The following STK32B variants were observed in gnomAD, a reference collection of about 807,000 sequenced individuals.
The protein encoded by STK32B is serine/threonine kinase 32B, also known as serine/threonine-protein kinase 32B.
In STK32B, 43 loss-of-function variants were observed where a neutral mutation model predicts 52.6. That is an observed-to-expected ratio of 0.82 (90% confidence interval 0.64 to 1.05). The LOEUF (loss-of-function observed/expected upper bound fraction) is 1.05, where lower values mean the gene tolerates loss of function less well. Among genes scored for constraint, STK32B ranks in the 50% least tolerant of loss-of-function variants. The pLI is 0.00. For synonymous variants in STK32B, 238 were observed against 204.3 expected (o/e 1.17, Z -1.41); for missense variants, 621 against 534.6 (o/e 1.16, Z -1.59).
intron 11 of STK32B, among the ~76,000 whole-genome samples, chr4:5,482,921 A>C (rs919145657): frequency 3.3e-5 from 5 of 152,240 alleles, no homozygotes; most frequent in Admixed American, 2.0e-4. Context: ...CCAGCCTTGC[A>C]TCCCAGGGAT....
At chr4:5,111,111 A>G (rs946799351) in intron 1 of STK32B, among the ~76,000 whole-genome samples, 1 of 152,186 alleles carries the variant, frequency 6.6e-6, no homozygotes, top group Non-Finnish European at 1.5e-5. Flanking sequence ...AGTCAAAAAC[A>G]ACAGATGTTG....
chr4:5,125,217 CT>C (rs35888336), intron 1 of STK32B, among the ~76,000 whole-genome samples: 63,915 of 151,956 alleles, frequency 0.42, 14,936 homozygotes, highest in South Asian at 0.55. Flanking sequence ...TGATGTTGGT[CT>C]TCTGATACCT....
At chr4:5,139,817 G>A in intron 1 of STK32B, 88 bp from the exon 2 acceptor site, 1 of 1,481,510 alleles carries the variant, frequency 6.7e-7, no homozygotes, top group Non-Finnish European at 9.4e-7. Context: ...CTTTGGAATA[G>A]GTGGGTAGGT....
chr4:5,400,227 G>C lies in STK32B; in HGVS notation c.472+1983G>C, dbSNP rs1308141454. Among the ~76,000 whole-genome samples, 1 of 152,172 alleles carries C rather than the reference G, an allele frequency of 6.6e-6. No individual in the cohort carries two copies. The highest frequency in any genetic ancestry group is 1.5e-5 in the Non-Finnish European group (1 of 68,022). On this transcript the variant is annotated intron_variant, in intron 5 of 11. Transcript: ENST00000282908. The surrounding 1 kb of genome is among the most constrained non-coding windows in gnomAD (Gnocchi z 6.1). ...AGCTGCTGCACAAAAGATATAGGCA[G>C]GCGGGCTGCTCCCAGGCAGCCTCCC...
intron 4 of STK32B, among the ~76,000 whole-genome samples, chr4:5,343,706 C>G (rs922316141): frequency 6.6e-6 from 1 of 152,142 alleles, no homozygotes; most frequent in African/African-American, 2.4e-5. Context: ...AATGGCAACA[C>G]AAGCCAAAAT....
chr4:5,092,548 A>G (rs1394854816), intron 1 of STK32B, among the ~76,000 whole-genome samples: 6 of 152,136 alleles, frequency 3.9e-5, no homozygotes, highest in Non-Finnish European at 5.9e-5. Context: ...AAAAAAAAAA[A>G]AAGAAGAAGA....
intron 4 of STK32B, among the ~76,000 whole-genome samples, chr4:5,357,138 G>T (rs1577389818): frequency 1.3e-5 from 2 of 151,820 alleles, no homozygotes; most frequent in African/African-American, 2.4e-5. Flanking sequence ...TTGAGTGAAG[G>T]CTTGAGGCCC....
intron 1 of STK32B, among the ~76,000 whole-genome samples, chr4:5,102,114 C>G (rs1713819427): frequency 6.6e-6 from 1 of 152,210 alleles, no homozygotes; most frequent in African/African-American, 2.4e-5. Flanking sequence ...TGATCCCTGT[C>G]CTTTCCTGGT....
the STK32B span, among the ~76,000 whole-genome samples, chr4:5,033,602 A>T: frequency 6.6e-6 from 1 of 152,150 alleles, no homozygotes; most frequent in Non-Finnish European, 1.5e-5. Flanking sequence ...TTTCTCCTTC[A>T]CGAGGAGGCC....
intron 3 of STK32B, among the ~76,000 whole-genome samples, chr4:5,194,238 C>T (rs1721465822): frequency 6.6e-6 from 1 of 152,184 alleles, no homozygotes; most frequent in African/African-American, 2.4e-5. Context: ...ATATTGTTCT[C>T]TGCTGTGTTC....
chr4:5,283,709 AC>A (rs1728359186), intron 3 of STK32B, among the ~76,000 whole-genome samples: 1 of 152,212 alleles, frequency 6.6e-6, no homozygotes, highest in Admixed American at 6.5e-5. Flanking sequence ...TGAAGGAAAC[AC>A]AATTGTAAAT....
chr4:5,089,833 G>T (rs75660159), intron 1 of STK32B, among the ~76,000 whole-genome samples: 1 of 152,100 alleles, frequency 6.6e-6, no homozygotes, highest in East Asian at 1.9e-4. Flanking sequence ...GTGTAAAAGC[G>T]TTCGTATTTC....
chr4:5,071,199 T>A (rs1458763695), intron 1 of STK32B, among the ~76,000 whole-genome samples: 3 of 152,110 alleles, frequency 2.0e-5, no homozygotes, highest in Non-Finnish European at 4.4e-5. Flanking sequence ...AGGTGCAGAC[T>A]GAAGGATGGT....
At chr4:5,219,085 C>G (rs16836905) in intron 3 of STK32B, among the ~76,000 whole-genome samples, 14,364 of 152,334 alleles carry the variant, frequency 0.094, 941 homozygotes, top group African/African-American at 0.17. Context: ...TCTGTTGGCT[C>G]TGTGCCTTGT....
chr4:5,323,314 C>T (rs989700543), intron 3 of STK32B, among the ~76,000 whole-genome samples: 1 of 152,118 alleles, frequency 6.6e-6, no homozygotes, highest in African/African-American at 2.4e-5. Flanking sequence ...ACCAGCCAGG[C>T]CCTGGCTGTT....
intron 4 of STK32B, among the ~76,000 whole-genome samples, chr4:5,348,951 C>A (rs1213606622): frequency 6.6e-6 from 1 of 152,162 alleles, no homozygotes. Flanking sequence ...CAGCAGGTAC[C>A]CACCCACATG....
chr4:5,467,891 G>A lies in STK32B; in HGVS notation c.1042-115G>A, dbSNP rs1289037539. On this transcript the variant is annotated intron_variant, in intron 10 of 11. Coordinates refer to ENST00000282908, the MANE Select transcript of STK32B (RefSeq NM_018401.3). This position sits in a 1 kb window ranked among gnomAD's most constrained non-coding sequence, Gnocchi z 5.8. ...CAGACACTTAGCTTGGCTTGTCCCGGTCCCAAGCATCTGAGGTTTCCATCT... is the reference window on the plus strand; with the variant it reads ...CAGACACTTAGCTTGGCTTGTCCCGATCCCAAGCATCTGAGGTTTCCATCT... 40 of 1,197,182 alleles carry A rather than the reference G, an allele frequency of 3.3e-5. No homozygotes were observed. Among genetic ancestry groups the A allele is most frequent in the Non-Finnish European group, 4.3e-5 (35 of 817,576 alleles). 74.2% of individuals were successfully genotyped at this position (1,197,182 alleles called of 1,614,324 possible).
chr4:5,476,264 TAA>T (rs1388492175), intron 11 of STK32B, among the ~76,000 whole-genome samples: 1 of 152,196 alleles, frequency 6.6e-6, no homozygotes, highest in East Asian at 1.9e-4. Flanking sequence ...AGGTCACTGG[TAA>T]AGTGTTTTAG....
In STK32B at chr4:5,290,781, A is replaced by G. The variant is rs561516730; in HGVS notation, c.261-40439A>G. On this transcript the variant is annotated intron_variant, in intron 3 of 11. Coordinates refer to ENST00000282908, the MANE Select transcript of STK32B (RefSeq NM_018401.3). Reference sequence around the variant, plus strand: ...TAAGATATACATAAAGAAAATATTCATGGATCAAAAGATTAAGTATTAGGA... The same window carrying G: ...TAAGATATACATAAAGAAAATATTCGTGGATCAAAAGATTAAGTATTAGGA... Among the ~76,000 whole-genome samples, 13 of 152,232 alleles carry G rather than the reference A, an allele frequency of 8.5e-5. No individual in the cohort carries two copies. The South Asian group carries it at 2.7e-3, about 32-fold the overall frequency.
Sources: gnomAD v4.1 joint callset for allele counts (sites outside exome capture counted in the v4.1 genomes callset) on GRCh38, gnomAD v4.1.1 for gene constraint, Gnocchi (gnomAD v3.1) non-coding constraint, MANE v1.5 for transcripts, NCBI Gene and HGNC (gene_info 2026-07-23, HGNC 2026-07-21) for gene names.